TPR: variants seen among roughly 807,000 people sequenced by gnomAD.
The protein encoded by TPR is nucleoprotein TPR.
In TPR, 51 loss-of-function variants were observed where a neutral mutation model predicts 316.1. The observed-to-expected ratio is 0.16, with a 90% confidence interval of 0.13 to 0.20. The LOEUF is 0.20. Among genes scored for constraint, TPR ranks in the 10% least tolerant of loss-of-function variants. TPR has a pLI of 1.00. For synonymous variants in TPR, 981 were observed against 914.7 expected (o/e 1.07, Z -1.31); for missense variants, 2,272 against 2,754.8 (o/e 0.82, Z 3.92).
chr1:186,357,059 T>G (rs1223158645), intron 14 of TPR, among the ~76,000 whole-genome samples: 1 of 152,152 alleles, frequency 6.6e-6, no homozygotes, highest in Non-Finnish European at 1.5e-5. Context: ...AGATTTTTTT[T>G]GCGGGCAACA....
Position 186,312,442 on chromosome 1 carries a change from G to A in TPR, c.*1529C>T. ...TGTAATACAGTTTCTTATACAGTAA[G>A]GCTTATGAAATATGGATACTGATCA... On this transcript the variant is annotated 3_prime_UTR_variant, in exon 51 of 51. Coordinates refer to ENST00000367478, the MANE Select transcript of TPR (RefSeq NM_003292.3). The A allele has an allele frequency of 1.0e-5, 14 of 1,392,028 alleles. No homozygotes were observed. Among genetic ancestry groups the A allele is most frequent in the Non-Finnish European group, 1.4e-5 (14 of 1,016,978 alleles). 86.2% of individuals were successfully genotyped at this position (1,392,028 alleles called of 1,614,324 possible). A position where few individuals can be genotyped will look rare whatever the true frequency, so the allele number is the denominator to read the frequency against.
chr1:186,332,511 A>G (rs1443745850), intron 37 of TPR, among the ~76,000 whole-genome samples, 168 bp from the exon 38 acceptor site: 1 of 152,148 alleles, frequency 6.6e-6, no homozygotes, highest in Non-Finnish European at 1.5e-5. Context: ...CATCAACATA[A>G]TTTGTTTCTG....
chr1:186,357,577 A>G lies in TPR; in HGVS notation c.1544T>C (p.Val515Ala). ...MELEEARGNH[V>A]IRDEEVSSAD... ...AGAGCTTACTTCCTCATCACGAATT[A>G]CGTGGTTACCCCTTGCTTCTTCAAG... Residue 515 changes from valine to alanine, a missense_variant, in exon 14 of 51, where the codon GTA becomes GCA. Around this residue, in one of 10 missense-constraint regions of TPR, gnomAD observed 549 missense variants for 598.6 expected, o/e 0.92. Transcript: ENST00000367478. 1 of 1,614,126 alleles carries G rather than the reference A, an allele frequency of 6.2e-7. No individual in the cohort carries two copies.
At chr1:186,357,223 C>CT (rs897346719) in intron 14 of TPR, among the ~76,000 whole-genome samples, 174 bp downstream of exon 14, 2 of 151,788 alleles carry the variant, frequency 1.3e-5, no homozygotes, top group African/African-American at 4.8e-5. Context: ...TAATTTTTTA[C>CT]TTTTTTTTGA....
intron 13 of TPR, among the ~76,000 whole-genome samples, chr1:186,358,338 G>A (rs1187086057): frequency 6.6e-6 from 1 of 151,960 alleles, no homozygotes; most frequent in East Asian, 1.9e-4. Context: ...CAACCAACAC[G>A]TATAATTTAA....
At chr1:186,344,894 T>C (rs1658628832) in intron 24 of TPR, among the ~76,000 whole-genome samples, 1 of 152,182 alleles carries the variant, frequency 6.6e-6, no homozygotes, top group African/African-American at 2.4e-5. Context: ...TTCTTCCCTG[T>C]ATTACATTTT....
In TPR at chr1:186,338,228, C is replaced by A; in HGVS notation, c.4167G>T (p.Leu1389Phe). ...KAEIARSNAS[L>F]TNNQNLIQSL... is the part of the protein sequence containing the mutation. ...TCTGAATTAAGTTCTGGTTGTTAGT[C>A]AAAGATGCATTTGATCTTTAAAAAA... The change falls in exon 31 of 51, where the codon TTG (leucine) becomes TTT (phenylalanine). Residue 1389 changes from leucine to phenylalanine, a missense_variant. Physicochemically the swap from Leu to Phe is conservative, Grantham distance 22. Around this residue, in one of 10 missense-constraint regions of TPR, gnomAD observed 96 missense variants for 134.6 expected, o/e 0.71. Transcript: ENST00000367478. 5 of 1,602,520 alleles carry A rather than the reference C, an allele frequency of 3.1e-6. No homozygotes were observed. The South Asian group carries it at 4.5e-5, about 15-fold the overall frequency.
At chr1:186,314,531 A>T in intron 50 of TPR, 98 bp downstream of exon 50, 1 of 896,658 alleles carries the variant, frequency 1.1e-6, no homozygotes, top group Non-Finnish European at 1.6e-6. Flanking sequence ...ACTTTGGAAC[A>T]TTAAAAAAAT....
Position 186,313,633 on chromosome 1 carries a change from G to A in TPR, c.*338C>T. The A allele has an allele frequency of 1.9e-6, 2 of 1,071,236 alleles. No individual in the cohort carries two copies. Among genetic ancestry groups the A allele is most frequent in the Non-Finnish European group, 2.9e-6 (2 of 685,946 alleles). The allele number at this position is 1,071,236 out of a possible 1,614,324, so 66.4% of individuals were successfully genotyped here. ...GTCAACATAAGTTATTTTTTAGTTT[G>A]GGCATTGTTTTCTTTTTAACTAAAA... On this transcript the variant is annotated 3_prime_UTR_variant, in exon 51 of 51. Coordinates refer to ENST00000367478, the MANE Select transcript of TPR (RefSeq NM_003292.3).
chr1:186,314,800 TA>T, intron 49 of TPR, 76 bp from the exon 50 acceptor site: 1 of 845,568 alleles, frequency 1.2e-6, no homozygotes, highest in South Asian at 1.7e-5. Context: ...AACTAATTAC[TA>T]AATGAATGAA....
At position 186,320,296 on chromosome 1, in the gene TPR, A is replaced by G; in HGVS notation, c.6568+16T>C. The G allele has an allele frequency of 6.3e-7, 1 of 1,593,022 alleles. No individual in the cohort carries two copies. Among genetic ancestry groups the G allele is most frequent in the Non-Finnish European group, 8.6e-7 (1 of 1,168,670 alleles). On this transcript the variant is annotated intron_variant, in intron 46 of 50. Coordinates refer to ENST00000367478, the MANE Select transcript of TPR (RefSeq NM_003292.3). ...ATACATACAAATTCAGGGGATCTAAAGGTTTAACTATTTACCTCCTTGAGA... is the reference window on the plus strand; with the variant it reads ...ATACATACAAATTCAGGGGATCTAAGGGTTTAACTATTTACCTCCTTGAGA...
In TPR at chr1:186,356,322, A is replaced by T. The variant is rs746605361; in HGVS notation, c.1852T>A (p.Leu618Met). The change falls in exon 15 of 51, where the codon TTG (leucine) becomes ATG (methionine). Residue 618 changes from leucine (L) to methionine (M), a missense_variant. Transcript: ENST00000367478. ...VRQRDMYRIL[L>M]SQTTGVAIPL... ...ATGGCAACTCCTGTTGTTTGTGACA[A>T]TAAAATACGGTACATATCACGCTGA... The T allele has an allele frequency of 3.2e-5, 52 of 1,610,604 alleles. No individual in the cohort carries two copies. The East Asian group carries it at 1.0e-3, about 32-fold the overall frequency.
chr1:186,337,994 T>G (rs763807045), intron 31 of TPR, 39 bp downstream of exon 31: 1 of 1,475,272 alleles, frequency 6.8e-7, no homozygotes, highest in South Asian at 1.3e-5. Flanking sequence ...ATAACATTCA[T>G]CCTAGTTTTT....
In TPR at chr1:186,344,498, A is replaced by C; in HGVS notation, c.3294T>G (p.Ala1098=). 1 of 1,613,750 alleles carries C rather than the reference A, an allele frequency of 6.2e-7. No individual in the cohort carries two copies. Among genetic ancestry groups the C allele is most frequent in the Non-Finnish European group, 8.5e-7 (1 of 1,179,904 alleles). Residue 1098 remains alanine, a synonymous_variant, in exon 25 of 51, where the codon GCT becomes GCG. Coordinates refer to ENST00000367478, the MANE Select transcript of TPR (RefSeq NM_003292.3). ...CCATTTTTGAAACCTGCTCCTTCGC[A>C]GCTTGTAGAGCTTCAACATCAGCAG... The part of the protein sequence containing the change: ...LHAADVEALQ[A]AKEQVSKMAS...
intron 49 of TPR, among the ~76,000 whole-genome samples, chr1:186,315,774 C>T (rs1443732239): frequency 2.0e-5 from 3 of 150,930 alleles, no homozygotes; most frequent in African/African-American, 7.3e-5. Context: ...TGTTCTCACT[C>T]ACTGTGCTCC....
chr1:186,325,696 T>G, intron 42 of TPR, 68 bp downstream of exon 42: 1 of 1,246,122 alleles, frequency 8.0e-7, no homozygotes, highest in South Asian at 1.4e-5. Flanking sequence ...TATATTAGAA[T>G]TAAGTGCAAT....
intron 27 of TPR, chr1:186,342,993 T>C (rs1658554698): frequency 1.1e-5 from 2 of 190,306 alleles, no homozygotes; most frequent in East Asian, 2.6e-4. Flanking sequence ...ATACCAGACA[T>C]GCTTCTAAAT....
In TPR at chr1:186,350,277, G is replaced by A. The variant is rs1425916449; in HGVS notation, c.2722C>T (p.Leu908Phe). ...GCAACTTGGACTTCCATATTACTGA[G>A]GTGCTGTTTCAATGTGGCAATTTCT... ...QKEIATLKQH[L>F]SNMEVQVASQ... Residue 908 changes from leucine (L) to phenylalanine (F), a missense_variant, in exon 21 of 51, where the codon CTC (leucine) becomes TTC (phenylalanine). Physicochemically the swap from Leu to Phe is conservative, Grantham distance 22. This residue lies in a region of TPR where 757 missense variants were observed against 859.8 expected (regional missense o/e 0.88). Coordinates refer to ENST00000367478, the MANE Select transcript of TPR (RefSeq NM_003292.3). 6.2e-7 allele frequency: 1 copy of A among 1,613,548 alleles called. No homozygotes were observed. Among genetic ancestry groups the A allele is most frequent in the East Asian group, 2.2e-5 (1 of 44,784 alleles).
intron 40 of TPR, 23 bp from the exon 41 acceptor site, chr1:186,326,258 T>C (rs185465843): frequency 1.9e-6 from 3 of 1,586,914 alleles, no homozygotes; most frequent in Non-Finnish European, 2.6e-6. Context: ...TCCCCAGGCA[T>C]AAATAAAAGT....
Sources: gnomAD v4.1 joint callset for allele counts (sites outside exome capture counted in the v4.1 genomes callset) on GRCh38, gnomAD v4.1.1 for gene constraint, gnomAD v4.1.1 regional missense constraint, MANE v1.5 for transcripts, NCBI Gene and HGNC (gene_info 2026-07-23, HGNC 2026-07-21) for gene names.